Variants in SLCO5A1 observed in about 807,000 individuals in gnomAD.
SLCO5A1 encodes the protein solute carrier organic anion transporter family member 5A1.
SLCO5A1 carries 39 observed loss-of-function variants against 65.1 expected under a neutral mutation model. That is an observed-to-expected ratio of 0.60 (90% CI 0.46 to 0.78). The LOEUF (loss-of-function observed/expected upper bound fraction) is 0.78, where lower values mean the gene tolerates loss of function less well. Among genes scored for constraint, SLCO5A1 ranks in the 30% least tolerant of loss-of-function variants. The pLI, the probability that SLCO5A1 is intolerant of heterozygous loss-of-function variation, is 0.00. For synonymous variants in SLCO5A1, 438 were observed against 415.7 expected (o/e 1.05, Z -0.65); for missense variants, 1,029 against 1,069.4 (o/e 0.96, Z 0.53).
intron 2 of SLCO5A1, among the ~76,000 whole-genome samples, chr8:69,825,487 A>G (rs1283339361): frequency 1.3e-5 from 2 of 152,214 alleles, no homozygotes; most frequent in Non-Finnish European, 2.9e-5. Context: ...CACCAATAAC[A>G]GACAAACAGA....
At position 69,667,686 on chromosome 8, in the gene SLCO5A1, CCA is replaced by C. The variant is rs1163369077; in HGVS notation, c.*5181_*5182del. ...CAGAAAAGATAACACCTTCAAAACC[CCA>C]GTGTTAAAAATACCTTACATGGGTG... On this transcript the variant is annotated 3_prime_UTR_variant, in exon 10 of 10. Coordinates refer to ENST00000260126, the MANE Select transcript of SLCO5A1 (RefSeq NM_030958.3). The C allele has an allele frequency of 6.6e-6, 1 of 152,078 alleles. No individual in the cohort carries two copies. 9.4% of individuals were successfully genotyped at this position (152,078 alleles called of 1,614,324 possible). A position where few individuals can be genotyped will look rare whatever the true frequency, so the allele number is the denominator to read the frequency against.
At chr8:69,765,527 T>TA (rs1268560866) in intron 2 of SLCO5A1, among the ~76,000 whole-genome samples, 1 of 152,156 alleles carries the variant, frequency 6.6e-6, no homozygotes, top group Non-Finnish European at 1.5e-5. Flanking sequence ...GCTACTGCAC[T>TA]AACATTAGTG....
intron 6 of SLCO5A1, among the ~76,000 whole-genome samples, chr8:69,693,224 T>C (rs987245326): frequency 4.6e-5 from 7 of 152,246 alleles, no homozygotes; most frequent in African/African-American, 1.7e-4. Flanking sequence ...CTATGGACAT[T>C]TAAGTTGCTT....
chr8:69,716,225 C>T (rs2959555), intron 5 of SLCO5A1, among the ~76,000 whole-genome samples: 85,510 of 152,058 alleles, frequency 0.56, 24,488 homozygotes, highest in Middle Eastern at 0.61. Flanking sequence ...TTTACCCATG[C>T]ATTGGTGGAT....
At position 69,751,373 on chromosome 8, in the gene SLCO5A1, G is replaced by A. The variant is rs189159846; in HGVS notation, c.1258+4051C>T. Among the ~76,000 whole-genome samples, 341 of 152,008 alleles carry A rather than the reference G, an allele frequency of 2.2e-3. 1 individual carries two copies. The highest frequency in any genetic ancestry group is 7.4e-3 in the African/African-American group (308 of 41,442). On this transcript the variant is annotated intron_variant, in intron 4 of 9. Coordinates refer to ENST00000260126, the MANE Select transcript of SLCO5A1 (RefSeq NM_030958.3). ...CTGAGAATTCTACTTTCCCCTTTGC[G>A]GTGTCTTAAATCAGTGTTATTCCTG...
At chr8:69,753,218 G>T (rs1817396462) in intron 4 of SLCO5A1, among the ~76,000 whole-genome samples, 1 of 152,104 alleles carries the variant, frequency 6.6e-6, no homozygotes, top group Non-Finnish European at 1.5e-5. Context: ...TGGAAGGGAG[G>T]AGAGCCCACG....
chr8:69,797,627 G>GGC (rs898745339), intron 2 of SLCO5A1, among the ~76,000 whole-genome samples: 3 of 152,204 alleles, frequency 2.0e-5, no homozygotes, highest in African/African-American at 7.2e-5. Flanking sequence ...ACTTCGTGGC[G>GGC]GGGGGTGGCC....
intron 6 of SLCO5A1, among the ~76,000 whole-genome samples, chr8:69,685,447 A>G (rs1369599089): frequency 1.3e-5 from 2 of 152,202 alleles, no homozygotes; most frequent in African/African-American, 4.8e-5. Flanking sequence ...CCCAACAAAC[A>G]AAAAGCATTT....
chr8:69,709,757 T>C (rs1359354485), intron 5 of SLCO5A1, among the ~76,000 whole-genome samples: 1 of 152,132 alleles, frequency 6.6e-6, no homozygotes, highest in Non-Finnish European at 1.5e-5. Flanking sequence ...GAATTTTAAT[T>C]GTGGCCAAGG....
chr8:69,676,551 A>T (rs2130784454), intron 9 of SLCO5A1, 58 bp downstream of exon 9: 1 of 1,473,944 alleles, frequency 6.8e-7, no homozygotes, highest in East Asian at 2.3e-5. Context: ...AAGGACAGTG[A>T]AAATTTGCCA....
intron 2 of SLCO5A1, among the ~76,000 whole-genome samples, chr8:69,767,104 T>C (rs1424275124): frequency 1.3e-5 from 2 of 152,212 alleles, no homozygotes; most frequent in African/African-American, 2.4e-5. Context: ...TGGTTTTCTC[T>C]CTTGATGAAG....
At position 69,761,985 on chromosome 8, in the gene SLCO5A1, C is replaced by T. The variant is rs113683275; in HGVS notation, c.908-110G>A. On this transcript the variant is annotated intron_variant, in intron 2 of 9. Transcript: ENST00000260126. ...ACATCTCACAGTTCAATCCAGTTAA[C>T]TTCCAAAAACGGAGACCTTTGGAGA... 4,591 of 1,363,546 alleles carry T rather than the reference C, an allele frequency of 3.4e-3. 128 individuals are homozygous for T. In the African/African-American group the frequency reaches 0.059, roughly 18 times the overall value. 84.5% of individuals were successfully genotyped at this position (1,363,546 alleles called of 1,614,324 possible). A position where few individuals can be genotyped will look rare whatever the true frequency, so the allele number is the denominator to read the frequency against.
At chr8:69,728,949 AC>A (rs1816213902) in intron 5 of SLCO5A1, among the ~76,000 whole-genome samples, 1 of 152,282 alleles carries the variant, frequency 6.6e-6, no homozygotes, top group East Asian at 1.9e-4. Flanking sequence ...GTGTCCAAGT[AC>A]CATTTTCCTG....
chr8:69,727,873 C>T (rs368733689), intron 5 of SLCO5A1, among the ~76,000 whole-genome samples: 15 of 152,242 alleles, frequency 9.9e-5, no homozygotes, highest in African/African-American at 3.4e-4. Flanking sequence ...CTCTCAGTCT[C>T]TTTTCCCTTT....
chr8:69,743,965 G>A (rs1816914299), intron 4 of SLCO5A1, among the ~76,000 whole-genome samples: 1 of 152,128 alleles, frequency 6.6e-6, no homozygotes, highest in East Asian at 1.9e-4. Context: ...TGGAGCCACA[G>A]TGGAGTCTGC....
chr8:69,831,960 C>T lies in SLCO5A1; in HGVS notation c.714G>A (p.Gln238=). The T allele has an allele frequency of 6.3e-7, 1 of 1,594,170 alleles. No individual in the cohort carries two copies. The highest frequency in any genetic ancestry group is 1.1e-5 in the South Asian group (1 of 88,006). ...NASAPNDGLC[Q]GGNSTATLEP... ...CCAAAGTGGCGGTGGAGTTGCCACC[C>T]TGACACAGGCCGTCGTTGGGGGCCG... The change falls in exon 2 of 10, where the codon CAG becomes CAA. Residue 238 remains glutamine (Q), a synonymous_variant. Transcript: ENST00000260126.
intron 2 of SLCO5A1, among the ~76,000 whole-genome samples, chr8:69,762,946 G>A (rs1817864442): frequency 6.6e-6 from 1 of 152,200 alleles, no homozygotes; most frequent in Non-Finnish European, 1.5e-5. Flanking sequence ...CCCAAAGGGG[G>A]TGGGGAGAGT....
chr8:69,804,891 C>T (rs1819924297), intron 2 of SLCO5A1, among the ~76,000 whole-genome samples: 2 of 152,146 alleles, frequency 1.3e-5, no homozygotes, highest in African/African-American at 4.8e-5. Flanking sequence ...GGCCGGGCTC[C>T]TGCCAGAGAA....
chr8:69,704,169 T>C (rs1416278137), intron 6 of SLCO5A1, among the ~76,000 whole-genome samples: 2 of 152,204 alleles, frequency 1.3e-5, no homozygotes. Flanking sequence ...CCCCAAGTGC[T>C]GGGGTTACAG....
Sources: gnomAD v4.1 joint callset for allele counts (sites outside exome capture counted in the v4.1 genomes callset) on GRCh38, gnomAD v4.1.1 for gene constraint, MANE v1.5 for transcripts, NCBI Gene and HGNC (gene_info 2026-07-23, HGNC 2026-07-21) for gene names.